Variants in CKAP5 observed in about 807,000 individuals in gnomAD.
CKAP5 encodes the protein cytoskeleton associated protein 5.
In CKAP5, 27 loss-of-function variants were observed where a neutral mutation model predicts 232.8. That is an observed-to-expected ratio of 0.12 (90% CI 0.09 to 0.16). The LOEUF (loss-of-function observed/expected upper bound fraction) is 0.16, where lower values mean the gene tolerates loss of function less well. CKAP5 is among the 10% of genes least tolerant of loss of function. The pLI, the probability that CKAP5 is intolerant of heterozygous loss-of-function variation, is 1.00. For missense variants in CKAP5, 1,838 were observed against 2,424.7 expected, an observed-to-expected ratio of 0.76 and a Z score of 5.08; for synonymous variants, 785 against 841.1, an observed-to-expected ratio of 0.93 and a Z score of 1.16.
At chr11:46,780,159 C>T in intron 20 of CKAP5, 35 bp downstream of exon 20, 1 of 1,611,594 alleles carries the variant, frequency 6.2e-7, no homozygotes, top group South Asian at 1.1e-5. Flanking sequence ...ATTCTCAAGT[C>T]CACTAACAGA....
chr11:46,750,199 A>C, intron 42 of CKAP5, 75 bp downstream of exon 42: 1 of 1,458,126 alleles, frequency 6.9e-7, no homozygotes, highest in Non-Finnish European at 9.3e-7. Context: ...ATGAATTTAA[A>C]CTAACCAAAA....
intron 24 of CKAP5, among the ~76,000 whole-genome samples, chr11:46,773,184 C>T (rs1052199086): frequency 2.0e-5 from 3 of 151,880 alleles, no homozygotes; most frequent in African/African-American, 7.3e-5. Flanking sequence ...TTTTTTGCAT[C>T]AGTTGATATA....
chr11:46,764,265 A>G (rs1181214291), intron 28 of CKAP5, among the ~76,000 whole-genome samples: 3 of 152,222 alleles, frequency 2.0e-5, no homozygotes, highest in Admixed American at 2.0e-4. Context: ...GCATATCATC[A>G]TTCTAGGAGT....
At chr11:46,758,893 GA>G (rs759551513) in intron 35 of CKAP5, 29 bp downstream of exon 35, 1 of 1,612,238 alleles carries the variant, frequency 6.2e-7, no homozygotes, top group Non-Finnish European at 8.5e-7. Context: ...TCCACCAATG[GA>G]ATCCCTGTCA....
intron 1 of CKAP5, among the ~76,000 whole-genome samples, chr11:46,822,707 C>T (rs1247893761): frequency 7.4e-6 from 1 of 136,016 alleles, no homozygotes; most frequent in Non-Finnish European, 1.5e-5. Flanking sequence ...GCCGAGATCG[C>T]ACTGCACTCC....
intron 29 of CKAP5, 65 bp from the exon 30 acceptor site, chr11:46,763,244 A>T (rs1489649079): frequency 1.5e-6 from 2 of 1,322,656 alleles, no homozygotes; most frequent in Non-Finnish European, 2.1e-6. Flanking sequence ...TCTACTAGGC[A>T]AGTGTCTTTT....
chr11:46,779,280 G>A (rs1219983429), intron 20 of CKAP5, among the ~76,000 whole-genome samples: 2 of 151,872 alleles, frequency 1.3e-5, no homozygotes, highest in African/African-American at 4.8e-5. Flanking sequence ...ATTCCAGGGC[G>A]TGCTACCACA....
chr11:46,786,350 C>CT (rs1172687774), intron 16 of CKAP5, among the ~76,000 whole-genome samples: 10 of 152,182 alleles, frequency 6.6e-5, no homozygotes, highest in African/African-American at 2.4e-4. Flanking sequence ...TGTGCAGCCA[C>CT]TGGCAGGTGG....
chr11:46,748,504 G>T (rs549182183), intron 42 of CKAP5, among the ~76,000 whole-genome samples: 1 of 152,196 alleles, frequency 6.6e-6, no homozygotes, highest in Non-Finnish European at 1.5e-5. Flanking sequence ...GCTGGGCATG[G>T]TGGCTCACGC....
chr11:46,763,555 C>T lies in CKAP5; in HGVS notation c.3613G>A (p.Ala1205Thr). 6.2e-7 allele frequency: 1 copy of T among 1,606,164 alleles called. No homozygotes were observed. The highest frequency in any genetic ancestry group is 8.5e-7 in the Non-Finnish European group (1 of 1,176,870). The change falls in exon 29 of 44, where the codon GCT becomes ACT. Residue 1205 changes from alanine to threonine, a missense_variant. Ala to Thr is a moderately conservative substitution (Grantham distance 58). Transcript: ENST00000529230. ...AACATCTCATCTTGTAACCATTTAG[C>T]CACACAGCTAGACATTTGAGTCTTT... ...QLKTQMSSCV[A>T]KWLQDEMFHS...
At position 46,762,877 on chromosome 11, in the gene CKAP5, C is replaced by T. The variant is rs547777846; in HGVS notation, c.3891+99G>A. ...AAATAGGGATAAGTAGGGAAGGTAC[C>T]GTGATATAATCAGTAAAAAAGGGAG... is the stretch of plus-strand genomic sequence containing the variant. On this transcript the variant is annotated intron_variant, in intron 30 of 43. Transcript: ENST00000529230. The T allele has an allele frequency of 2.5e-4, 362 of 1,438,060 alleles. No individual in the cohort carries two copies. The highest frequency in any genetic ancestry group is 5.3e-4 in the Middle Eastern group (3 of 5,624). 89.1% of individuals were successfully genotyped at this position (1,438,060 alleles called of 1,614,324 possible).
intron 42 of CKAP5, among the ~76,000 whole-genome samples, chr11:46,749,725 G>A (rs1022283678): frequency 1.3e-5 from 2 of 151,840 alleles, no homozygotes; most frequent in Admixed American, 6.6e-5. Flanking sequence ...AGGCTGAGGC[G>A]GGCGGATCAC....
chr11:46,829,706 A>C (rs1476930000), intron 1 of CKAP5, among the ~76,000 whole-genome samples: 2 of 152,184 alleles, frequency 1.3e-5, no homozygotes, highest in Non-Finnish European at 2.9e-5. Context: ...ATTATATGTG[A>C]AGTTCCCACT....
chr11:46,817,301 T>C (rs575675552), intron 3 of CKAP5, among the ~76,000 whole-genome samples: 2 of 152,232 alleles, frequency 1.3e-5, no homozygotes, highest in Non-Finnish European at 2.9e-5. Context: ...TTAAGTCGTT[T>C]TAAACACTTT....
intron 1 of CKAP5, among the ~76,000 whole-genome samples, chr11:46,844,110 T>A (rs180682838): frequency 4.3e-4 from 65 of 151,848 alleles, no homozygotes; most frequent in Middle Eastern, 3.4e-3. Flanking sequence ...AAGTCCCAGC[T>A]ACTTGGGAGG....
chr11:46,752,286 TACATATATATAATAC>T (rs1229222842), intron 38 of CKAP5, among the ~76,000 whole-genome samples: 6 of 146,518 alleles, frequency 4.1e-5, no homozygotes, highest in African/African-American at 1.5e-4. Flanking sequence ...AATACATATA[TACATATATATAATAC>T]ACATATATAT....
At chr11:46,805,579 T>C (rs947987448) in intron 8 of CKAP5, among the ~76,000 whole-genome samples, 5 of 152,224 alleles carry the variant, frequency 3.3e-5, no homozygotes, top group Admixed American at 6.5e-5. Context: ...ACTTTTGTTA[T>C]GTTTCTAGGA....
chr11:46,822,775 GA>G (rs1405156132), intron 1 of CKAP5, among the ~76,000 whole-genome samples: 1 of 147,782 alleles, frequency 6.8e-6, no homozygotes, highest in Admixed American at 6.7e-5. Context: ...GAAAGAAAAG[GA>G]AAGAATCAAT....
At chr11:46,762,356 T>A in intron 31 of CKAP5, 163 bp from the exon 32 acceptor site, 1 of 891,268 alleles carries the variant, frequency 1.1e-6, no homozygotes, top group Non-Finnish European at 1.9e-6. Flanking sequence ...AAAAATGGTA[T>A]TTCAGCAAGT....
Sources: allele counts gnomAD v4.1 joint callset (sites outside exome capture counted in the v4.1 genomes callset), GRCh38; gene constraint gnomAD v4.1.1; transcripts MANE v1.5; gene names NCBI Gene and HGNC (gene_info 2026-07-23, HGNC 2026-07-21).